NPAS2: variants seen among roughly 807,000 people sequenced by gnomAD.
NPAS2 encodes the protein neuronal PAS domain-containing protein 2.
NPAS2 carries 23 observed loss-of-function variants against 107.5 expected under a neutral mutation model. The observed-to-expected ratio is 0.21, with a 90% confidence interval of 0.15 to 0.30. NPAS2 has a LOEUF of 0.30. Among genes scored for constraint, NPAS2 ranks in the 10% least tolerant of loss-of-function variants. The pLI is 1.00. For missense variants in NPAS2, 756 were observed against 1,043.3 expected (o/e 0.72, Z 3.79); for synonymous variants, 403 against 417.5 (o/e 0.97, Z 0.42).
Position 100,968,480 on chromosome 2 carries a change from G to T in NPAS2, c.1055+52G>T. The T allele has an allele frequency of 6.3e-7, 1 of 1,590,112 alleles. No individual in the cohort carries two copies. Among genetic ancestry groups the T allele is most frequent in the South Asian group, 1.1e-5 (1 of 89,646 alleles). On this transcript the variant is annotated intron_variant, in intron 11 of 20. Coordinates refer to ENST00000335681, the MANE Select transcript of NPAS2 (RefSeq NM_002518.4). This position sits in a 1 kb window ranked among gnomAD's most constrained non-coding sequence, Gnocchi z 5.3. Reference sequence around the variant, plus strand: ...TGCGTCCTTGTCGCACCTGGGGGAGGGGTGCAGGATGGCGTGGCCCCTGAT... The same window carrying T: ...TGCGTCCTTGTCGCACCTGGGGGAGTGGTGCAGGATGGCGTGGCCCCTGAT...
intron 1 of NPAS2, among the ~76,000 whole-genome samples, chr2:100,849,987 T>C (rs905392401): frequency 1.2e-5 from 1 of 81,610 alleles, no homozygotes; most frequent in Non-Finnish European, 2.3e-5. Flanking sequence ...AACTCCAAGA[T>C]AGATCTAACA....
At chr2:100,877,750 C>T (rs1680075110) in intron 1 of NPAS2, among the ~76,000 whole-genome samples, 1 of 152,154 alleles carries the variant, frequency 6.6e-6, no homozygotes, top group South Asian at 2.1e-4. Context: ...TGGCGTGACT[C>T]ATCACCGAAG....
At chr2:100,956,797 C>T (rs188906800) in intron 7 of NPAS2, among the ~76,000 whole-genome samples, 138 of 152,314 alleles carry the variant, frequency 9.1e-4, no homozygotes, top group South Asian at 8.9e-3. Context: ...TTGTTGTCTG[C>T]TCGCCCACAT....
chr2:100,953,391 C>T (rs6705466), intron 7 of NPAS2, among the ~76,000 whole-genome samples: 44 of 140,786 alleles, frequency 3.1e-4, no homozygotes, highest in Middle Eastern at 8.3e-3. Flanking sequence ...AAAAAAAAAA[C>T]AAAAAAAACA....
At chr2:100,935,339 G>T (rs1238343770) in intron 4 of NPAS2, among the ~76,000 whole-genome samples, 1 of 152,210 alleles carries the variant, frequency 6.6e-6, no homozygotes, top group Non-Finnish European at 1.5e-5. Flanking sequence ...GAAAGGGAAG[G>T]TTTCGTTTCC....
chr2:100,996,111 T>G lies in NPAS2; in HGVS notation c.*529T>G. On this transcript the variant is annotated 3_prime_UTR_variant, in exon 21 of 21. Coordinates refer to ENST00000335681, the MANE Select transcript of NPAS2 (RefSeq NM_002518.4). ...CACAGAGGAAATAACTTAGGCACTT[T>G]CTGTTTTTTTTAAAAAAATAATAAG... is the stretch of plus-strand genomic sequence containing the variant. The G allele has an allele frequency of 2.2e-6, 1 of 452,858 alleles. No homozygotes were observed. The highest frequency in any genetic ancestry group is 8.9e-5 in the East Asian group (1 of 11,252). 28.1% of individuals were successfully genotyped at this position (452,858 alleles called of 1,614,324 possible). A position where few individuals can be genotyped will look rare whatever the true frequency, so the allele number is the denominator to read the frequency against.
intron 2 of NPAS2, among the ~76,000 whole-genome samples, chr2:100,915,075 A>G (rs1422266902): frequency 6.6e-6 from 1 of 152,210 alleles, no homozygotes; most frequent in Non-Finnish European, 1.5e-5. Flanking sequence ...GCAAGGTTAA[A>G]TCTGCCCTTT....
intron 15 of NPAS2, among the ~76,000 whole-genome samples, chr2:100,980,579 C>T (rs1030937380): frequency 6.6e-6 from 1 of 152,140 alleles, no homozygotes; most frequent in South Asian, 2.1e-4. Flanking sequence ...AAGCAATTCT[C>T]CTGCCTCAGC....
intron 4 of NPAS2, among the ~76,000 whole-genome samples, chr2:100,933,607 G>T (rs1274520750): frequency 6.6e-6 from 1 of 152,154 alleles, no homozygotes; most frequent in Non-Finnish European, 1.5e-5. Context: ...GGCCGTATTT[G>T]TGAAAACCTG....
chr2:100,821,821 AGTGT>A (rs1676091240), intron 1 of NPAS2, among the ~76,000 whole-genome samples: 1 of 152,204 alleles, frequency 6.6e-6, no homozygotes, highest in African/African-American at 2.4e-5. Flanking sequence ...CCAAATAAAT[AGTGT>A]AATGTTTAAA....
At chr2:100,940,111 T>A (rs755889676) in intron 5 of NPAS2, among the ~76,000 whole-genome samples, 2 of 152,220 alleles carry the variant, frequency 1.3e-5, no homozygotes, top group African/African-American at 4.8e-5. Context: ...AGGCAAAGGC[T>A]GCTGAGGATG....
At chr2:100,929,114 A>G (rs1683773776) in intron 3 of NPAS2, among the ~76,000 whole-genome samples, 1 of 152,226 alleles carries the variant, frequency 6.6e-6, no homozygotes, top group Non-Finnish European at 1.5e-5. Flanking sequence ...CACTTTGGCT[A>G]GCCTGGTCTC....
intron 10 of NPAS2, among the ~76,000 whole-genome samples, chr2:100,967,148 G>A (rs1339373325): frequency 2.0e-5 from 3 of 151,900 alleles, no homozygotes; most frequent in Non-Finnish European, 4.4e-5. Flanking sequence ...CCATGGCTTG[G>A]GCAAGACCTC....
intron 2 of NPAS2, among the ~76,000 whole-genome samples, chr2:100,911,564 A>G (rs1035790278): frequency 3.9e-5 from 6 of 152,120 alleles, no homozygotes; most frequent in African/African-American, 1.4e-4. Flanking sequence ...ATTTAGAATC[A>G]TACCACCTGG....
intron 1 of NPAS2, among the ~76,000 whole-genome samples, chr2:100,845,351 G>A (rs141148106): frequency 2.0e-5 from 3 of 152,196 alleles, no homozygotes; most frequent in Admixed American, 6.5e-5. Flanking sequence ...TTGTAGATGA[G>A]GGGCTGGCTT....
chr2:100,858,560 C>A (rs1329739929), intron 1 of NPAS2, among the ~76,000 whole-genome samples: 1 of 152,030 alleles, frequency 6.6e-6, no homozygotes, highest in African/African-American at 2.4e-5. Flanking sequence ...TGTGGTGGGG[C>A]TGGAAGAGTT....
chr2:100,896,152 G>A (rs562271359), intron 1 of NPAS2, among the ~76,000 whole-genome samples: 1 of 152,274 alleles, frequency 6.6e-6, no homozygotes, highest in African/African-American at 2.4e-5. Flanking sequence ...CCTGTGACCT[G>A]CTTCCTGTTT....
At chr2:100,946,558 G>T (rs2105033305) in intron 5 of NPAS2, among the ~76,000 whole-genome samples, 1 of 152,352 alleles carries the variant, frequency 6.6e-6, no homozygotes, top group East Asian at 1.9e-4. Context: ...GGAGCTGGGA[G>T]AGGCAGAGGC....
chr2:100,861,626 T>C (rs558966214), intron 1 of NPAS2, among the ~76,000 whole-genome samples: 2 of 152,256 alleles, frequency 1.3e-5, no homozygotes, highest in South Asian at 4.2e-4. Context: ...AGGCCTGGGC[T>C]GGAGATGCAT....
Sources: gnomAD v4.1 joint callset for allele counts (sites outside exome capture counted in the v4.1 genomes callset) on GRCh38, gnomAD v4.1.1 for gene constraint, Gnocchi (gnomAD v3.1) non-coding constraint, MANE v1.5 for transcripts, NCBI Gene and HGNC (gene_info 2026-07-23, HGNC 2026-07-21) for gene names.